Variants in SH3RF3 observed in about 807,000 individuals in gnomAD.
SH3RF3 encodes the protein SH3 domain containing ring finger 3.
SH3RF3 carries 29 observed loss-of-function variants against 66.3 expected under a neutral mutation model. That is an observed-to-expected ratio of 0.44 (90% CI 0.33 to 0.60). The LOEUF is 0.60. Ranked by LOEUF, SH3RF3 falls within the 20% of genes least tolerant of loss-of-function variation. SH3RF3 has a pLI of 0.04. For missense variants in SH3RF3, 1,194 were observed against 1,190.9 expected (o/e 1.00, Z -0.04); for synonymous variants, 583 against 532.0 (o/e 1.10, Z -1.32).
intron 2 of SH3RF3, among the ~76,000 whole-genome samples, chr2:109,371,059 C>A (rs958499929): frequency 6.6e-6 from 1 of 152,112 alleles, no homozygotes. Context: ...CAGGCTTTCC[C>A]ATATGGGGCT....
At chr2:109,470,339 A>T (rs1313215513) in intron 8 of SH3RF3, among the ~76,000 whole-genome samples, 1 of 152,284 alleles carries the variant, frequency 6.6e-6, no homozygotes, top group South Asian at 2.1e-4. Context: ...CTCCTGCTCC[A>T]TCTGGAAAAG....
At chr2:109,445,537 G>T (rs937048725) in intron 7 of SH3RF3, among the ~76,000 whole-genome samples, 3 of 152,206 alleles carry the variant, frequency 2.0e-5, no homozygotes, top group Non-Finnish European at 2.9e-5. Flanking sequence ...AATGGGAAAA[G>T]GAGGTACTAG....
chr2:109,378,844 G>T (rs1683448227), intron 3 of SH3RF3, among the ~76,000 whole-genome samples: 1 of 152,104 alleles, frequency 6.6e-6, no homozygotes, highest in Non-Finnish European at 1.5e-5. Context: ...CTCCTTGTGG[G>T]CAGTTCTTTC....
At chr2:109,184,932 A>G (rs990954354) in intron 1 of SH3RF3, among the ~76,000 whole-genome samples, 3 of 152,112 alleles carry the variant, frequency 2.0e-5, no homozygotes, top group African/African-American at 7.2e-5. Flanking sequence ...AAATATATAC[A>G]TTTTCCATTT....
chr2:109,490,519 A>T, intron 8 of SH3RF3, 86 bp from the exon 9 acceptor site: 1 of 1,108,084 alleles, frequency 9.0e-7, no homozygotes, highest in South Asian at 2.6e-5. Context: ...AAAGTTCCAC[A>T]TAGGAAGATG....
chr2:109,354,628 A>G (rs1200076831), intron 2 of SH3RF3, among the ~76,000 whole-genome samples: 1 of 152,210 alleles, frequency 6.6e-6, no homozygotes, highest in African/African-American at 2.4e-5. Context: ...GTGAGCTGCG[A>G]TATTTGCCAA....
chr2:109,268,790 A>G (rs1163301535), intron 1 of SH3RF3, among the ~76,000 whole-genome samples: 1 of 152,124 alleles, frequency 6.6e-6, no homozygotes, highest in African/African-American at 2.4e-5. Flanking sequence ...CTATAGGCTA[A>G]TGTGCGTGTT....
intron 4 of SH3RF3, 40 bp from the exon 5 acceptor site, chr2:109,419,499 C>T: frequency 1.3e-6 from 2 of 1,544,250 alleles, no homozygotes; most frequent in East Asian, 2.4e-5. Flanking sequence ...TGGATGGAGT[C>T]TCTGTCTCCT....
At chr2:109,204,775 T>C (rs1342123473) in intron 1 of SH3RF3, among the ~76,000 whole-genome samples, 1 of 152,252 alleles carries the variant, frequency 6.6e-6, no homozygotes, top group East Asian at 1.9e-4. Context: ...TCCTGCATTC[T>C]AGATTTATTG....
At chr2:109,394,540 G>A (rs1404585452) in intron 3 of SH3RF3, among the ~76,000 whole-genome samples, 5 of 152,228 alleles carry the variant, frequency 3.3e-5, no homozygotes, top group East Asian at 3.8e-4. Flanking sequence ...TAAAGTTACC[G>A]AGATGTTTAA....
chr2:109,457,016 G>A (rs1167681870), intron 8 of SH3RF3, among the ~76,000 whole-genome samples: 1 of 152,184 alleles, frequency 6.6e-6, no homozygotes, highest in African/African-American at 2.4e-5. Flanking sequence ...ACCTGGGGTC[G>A]GCTGCCTAGT....
intron 5 of SH3RF3, among the ~76,000 whole-genome samples, chr2:109,422,966 G>C (rs1573239259): frequency 6.6e-6 from 1 of 152,142 alleles, no homozygotes; most frequent in Non-Finnish European, 1.5e-5. Flanking sequence ...GCCTGGGTCT[G>C]ACTCGGTCCA....
intron 1 of SH3RF3, among the ~76,000 whole-genome samples, chr2:109,247,981 G>A (rs1457952587): frequency 1.3e-5 from 2 of 152,110 alleles, no homozygotes; most frequent in East Asian, 1.9e-4. Context: ...CATCATAATT[G>A]TTGTTGTCTC....
At chr2:109,486,614 A>G (rs1020676532) in intron 8 of SH3RF3, among the ~76,000 whole-genome samples, 2 of 152,174 alleles carry the variant, frequency 1.3e-5, no homozygotes, top group African/African-American at 2.4e-5. Context: ...GGCAGATGGT[A>G]CCCTTCCAAA....
At chr2:109,470,423 T>C (rs1293859026) in intron 8 of SH3RF3, among the ~76,000 whole-genome samples, 1 of 152,204 alleles carries the variant, frequency 6.6e-6, no homozygotes, top group African/African-American at 2.4e-5. Flanking sequence ...GTTCTCAGAA[T>C]TTGCTCTTCC....
intron 1 of SH3RF3, among the ~76,000 whole-genome samples, chr2:109,179,003 A>ATGTG (rs56236635): frequency 0.14 from 19,354 of 142,044 alleles, 1,516 homozygotes; most frequent in African/African-American, 0.21. Context: ...AAGTATAATA[A>ATGTG]TGTGTGTGTG....
chr2:109,137,438 G>C (rs1364748226), intron 1 of SH3RF3, among the ~76,000 whole-genome samples: 1 of 152,252 alleles, frequency 6.6e-6, no homozygotes, highest in African/African-American at 2.4e-5. Context: ...TGGAGCAGAT[G>C]CTCTGGAAGT....
At chr2:109,180,195 G>A (rs1231312087) in intron 1 of SH3RF3, among the ~76,000 whole-genome samples, 3 of 151,534 alleles carry the variant, frequency 2.0e-5, no homozygotes, top group African/African-American at 7.3e-5. Context: ...TACCTGTGCT[G>A]CCACTGAACC....
intron 1 of SH3RF3, among the ~76,000 whole-genome samples, chr2:109,158,796 T>C (rs1419622640): frequency 6.6e-6 from 1 of 152,148 alleles, no homozygotes; most frequent in Non-Finnish European, 1.5e-5. Context: ...GATTCCCGAG[T>C]GTGCACTCTG....
Sources: gnomAD v4.1 joint callset for allele counts (sites outside exome capture counted in the v4.1 genomes callset) on GRCh38, gnomAD v4.1.1 for gene constraint, MANE v1.5 for transcripts, NCBI Gene and HGNC (gene_info 2026-07-23, HGNC 2026-07-21) for gene names.